The following CFAP58 variants were observed in gnomAD, a reference collection of about 807,000 sequenced individuals.
CFAP58 encodes cilia- and flagella-associated protein 58.
Under a neutral mutation model 119.5 loss-of-function variants are expected in CFAP58, and 88 were observed. The ratio of observed to expected loss-of-function variants is 0.74; its 90% CI spans 0.62 to 0.88. The LOEUF (loss-of-function observed/expected upper bound fraction) is 0.88, where lower values mean the gene tolerates loss of function less well. Among genes scored for constraint, CFAP58 ranks in the 40% least tolerant of loss-of-function variants. The pLI is 0.00. For synonymous variants in CFAP58, 365 were observed against 366.3 expected, an observed-to-expected ratio of 1.00 and a Z score of 0.04; for missense variants, 990 against 1,021.2, an observed-to-expected ratio of 0.97 and a Z score of 0.42.
intron 14 of CFAP58, 29 bp downstream of exon 14, chr10:104,403,869 C>T: frequency 7.1e-7 from 1 of 1,412,390 alleles, no homozygotes; most frequent in Non-Finnish European, 9.9e-7. Context: ...TTCTCCCCAT[C>T]CCCAAATCTC....
chr10:104,392,639 CT>C (rs35863751), intron 10 of CFAP58, among the ~76,000 whole-genome samples: 45,204 of 123,618 alleles, frequency 0.37, 6,935 homozygotes, highest in Middle Eastern at 0.47. Context: ...CGTCTTTCTA[CT>C]TTTTTTTTTT....
intron 7 of CFAP58, among the ~76,000 whole-genome samples, chr10:104,374,856 A>G (rs998732482): frequency 2.0e-5 from 3 of 151,942 alleles, no homozygotes; most frequent in Non-Finnish European, 4.4e-5. Flanking sequence ...CAAAAAAAAA[A>G]AAAAAGAAAA....
At chr10:104,386,205 C>A (rs1441471477) in intron 9 of CFAP58, among the ~76,000 whole-genome samples, 1 of 151,144 alleles carries the variant, frequency 6.6e-6, no homozygotes, top group Non-Finnish European at 1.5e-5. Flanking sequence ...TGGTGAAACA[C>A]CATTTCTACT....
At chr10:104,433,099 T>C (rs1356069601) in intron 15 of CFAP58, among the ~76,000 whole-genome samples, 1 of 152,222 alleles carries the variant, frequency 6.6e-6, no homozygotes. Context: ...AAGATGCAGT[T>C]AATTTTCTTT....
intron 1 of CFAP58, among the ~76,000 whole-genome samples, chr10:104,357,889 A>AT (rs1564875806): frequency 3.9e-5 from 4 of 101,634 alleles, no homozygotes; most frequent in African/African-American, 1.9e-4. Flanking sequence ...ACACATATAT[A>AT]AACATATATG....
Position 104,399,366 on chromosome 10 carries a change from C to T in CFAP58, c.1681C>T (p.Leu561=). 6.2e-7 allele frequency: 1 copy of T among 1,613,602 alleles called. No homozygotes were observed. Among genetic ancestry groups the T allele is most frequent in the Non-Finnish European group, 8.5e-7 (1 of 1,179,746 alleles). ...ATCTTCCACTCTTTGTCAGGCTGAG[C>T]TGCAGAAGCTGAGACAACAAGCCCT... The part of the protein sequence containing the change: ...EKEKETLKAE[L]QKLRQQALET... Residue 561 remains leucine (L), a synonymous_variant, in exon 12 of 18, where the codon CTG becomes TTG. Transcript: ENST00000369704.
At chr10:104,357,846 T>TAC (rs1211105842) in intron 1 of CFAP58, among the ~76,000 whole-genome samples, 6 of 46,138 alleles carry the variant, frequency 1.3e-4, no homozygotes, top group South Asian at 5.6e-4. Flanking sequence ...TACACATATG[T>TAC]ACACATATAT....
At chr10:104,437,356 T>C (rs1280957353) in intron 15 of CFAP58, among the ~76,000 whole-genome samples, 2 of 152,232 alleles carry the variant, frequency 1.3e-5, no homozygotes, top group Non-Finnish European at 2.9e-5. Flanking sequence ...TGTTGTAACA[T>C]AAAAATATTA....
In CFAP58 at chr10:104,422,102, G is replaced by A. The variant is rs1032515878; in HGVS notation, c.2256+15309G>A. Among the ~76,000 whole-genome samples, 10 of 152,160 alleles carry A rather than the reference G, an allele frequency of 6.6e-5. No individual in the cohort carries two copies. In the East Asian group the frequency reaches 1.7e-3, roughly 26 times the overall value. The stretch of plus-strand genomic sequence containing the variant: ...CTTGGGAGGCTGAGGCAAGAGAATC[G>A]CTCGAAGGTTGCAGTGAGTTGAGAT... On this transcript the variant is annotated intron_variant, in intron 15 of 17. Transcript: ENST00000369704.
At chr10:104,428,173 G>A (rs998102722) in intron 15 of CFAP58, among the ~76,000 whole-genome samples, 4 of 152,146 alleles carry the variant, frequency 2.6e-5, no homozygotes, top group Non-Finnish European at 2.9e-5. Flanking sequence ...GCCAAGGGAG[G>A]AGTGAACTTC....
intron 15 of CFAP58, among the ~76,000 whole-genome samples, chr10:104,410,133 T>G (rs2012437547): frequency 6.6e-6 from 1 of 152,186 alleles, no homozygotes; most frequent in Non-Finnish European, 1.5e-5. Flanking sequence ...GTTTTTCTCT[T>G]TCATAGATTC....
At chr10:104,355,538 G>T (rs537621115) in intron 1 of CFAP58, among the ~76,000 whole-genome samples, 5 of 152,078 alleles carry the variant, frequency 3.3e-5, no homozygotes, top group African/African-American at 9.6e-5. Context: ...TTCCCCTCTG[G>T]CCTCATCTTA....
At chr10:104,341,712 C>T in the CFAP58 span, among the ~76,000 whole-genome samples, 1 of 151,414 alleles carries the variant, frequency 6.6e-6, no homozygotes, top group African/African-American at 2.4e-5. Flanking sequence ...AAATAGAATT[C>T]CAGCAGCACA....
chr10:104,414,510 A>C (rs2012513802), intron 15 of CFAP58, among the ~76,000 whole-genome samples: 2 of 149,948 alleles, frequency 1.3e-5, no homozygotes, highest in African/African-American at 4.9e-5. Context: ...TGCAGCAGCA[A>C]TCAGAGGTGA....
intron 15 of CFAP58, among the ~76,000 whole-genome samples, chr10:104,432,311 G>A (rs1036469540): frequency 2.0e-5 from 3 of 152,166 alleles, no homozygotes; most frequent in Non-Finnish European, 4.4e-5. Flanking sequence ...TGAATAAATT[G>A]GTAGAGATAA....
intron 6 of CFAP58, among the ~76,000 whole-genome samples, chr10:104,369,000 C>T (rs1053974722): frequency 2.0e-5 from 3 of 152,214 alleles, no homozygotes; most frequent in Admixed American, 1.3e-4. Flanking sequence ...ATTTTCACTT[C>T]TGTCCAATGT....
chr10:104,403,817 G>A lies in CFAP58; in HGVS notation c.2128G>A (p.Val710Met), dbSNP rs781111569. ...GGAGGAGCTGGAGAATCCCCTGAAT[G>A]TGCACAGATGGAGGAAGCTCGAGGT... Reference protein sequence around the residue: ...LEEELENPLNVHRWRKLEASD... With the variant: ...LEEELENPLNMHRWRKLEASD... Residue 710 changes from valine (V) to methionine (M), a missense_variant, in exon 14 of 18, where the codon GTG (valine) becomes ATG (methionine). Transcript: ENST00000369704. 5.6e-6 allele frequency: 9 copies of A among 1,610,892 alleles called. No individual in the cohort carries two copies. The highest frequency in any genetic ancestry group is 1.7e-4 in the Middle Eastern group (1 of 6,048).
intron 15 of CFAP58, among the ~76,000 whole-genome samples, chr10:104,447,081 C>A (rs2013121714): frequency 1.3e-5 from 2 of 151,998 alleles, no homozygotes; most frequent in African/African-American, 4.8e-5. Context: ...CCTCGATCTC[C>A]TGGGCTCAAA....
intron 15 of CFAP58, among the ~76,000 whole-genome samples, chr10:104,439,869 G>C (rs1589936925): frequency 6.6e-6 from 1 of 152,158 alleles, no homozygotes; most frequent in Admixed American, 6.5e-5. Context: ...GCCCAGGCTG[G>C]AGTGCAGTGG....
Sources: gnomAD v4.1 joint callset for allele counts (sites outside exome capture counted in the v4.1 genomes callset) on GRCh38, gnomAD v4.1.1 for gene constraint, MANE v1.5 for transcripts, NCBI Gene and HGNC (gene_info 2026-07-23, HGNC 2026-07-21) for gene names.